Variants in SENP5 observed in about 807,000 individuals in gnomAD.
SENP5 encodes the protein SUMO specific peptidase 5.
SENP5 carries 21 observed loss-of-function variants against 74.2 expected under a neutral mutation model. That is an observed-to-expected ratio of 0.28 (90% confidence interval 0.20 to 0.41). SENP5 has a LOEUF of 0.41. Among genes scored for constraint, SENP5 ranks in the 10% least tolerant of loss-of-function variants. The pLI is 1.00. For missense variants in SENP5, 717 were observed against 889.1 expected (o/e 0.81, Z 2.46); for synonymous variants, 311 against 312.7 (o/e 0.99, Z 0.06).
chr3:196,915,037 T>A (rs768411609), intron 6 of SENP5, among the ~76,000 whole-genome samples: 3 of 152,188 alleles, frequency 2.0e-5, no homozygotes, highest in Non-Finnish European at 2.9e-5. Context: ...GGAGGGAGCA[T>A]TCAGACTAGC....
chr3:196,901,397 A>C (rs115538131), intron 5 of SENP5, among the ~76,000 whole-genome samples: 2,197 of 152,112 alleles, frequency 0.014, 57 homozygotes, highest in African/African-American at 0.05. Context: ...GTAAAAAAAA[A>C]CTCATCTTTC....
intron 9 of SENP5, 129 bp downstream of exon 9, chr3:196,929,812 C>G: frequency 1.5e-6 from 1 of 680,352 alleles, no homozygotes; most frequent in Non-Finnish European, 2.6e-6. Flanking sequence ...TTTCCCTCCC[C>G]TTTATTGCTG....
rs185041706 is a variant in SENP5 at position 196,929,653 on chromosome 3, C to T, written c.2127C>T (p.Asn709=). Residue 709 remains asparagine (N), a synonymous_variant, in exon 9 of 10, where the codon AAC becomes AAT. Transcript: ENST00000323460. ...AVTKCIPQQK[N]DSDCGVFVLQ... ...TTCAGTGTATTCCACAACAGAAAAA[C>T]GACAGTGACTGTGGAGTCTTTGTGC... 22 of 1,608,122 alleles carry T rather than the reference C, an allele frequency of 1.4e-5. No individual in the cohort carries two copies. Among genetic ancestry groups the T allele is most frequent in the South Asian group, 1.2e-4 (11 of 90,470 alleles).
In SENP5 at chr3:196,923,564, A is replaced by G; in HGVS notation, c.2022+13A>G. ...GTTTTGTGTAGAGGTAAGTTAATAT[A>G]CTGCCTATTTTTTCATTTATTTTGT... On this transcript the variant is annotated intron_variant, in intron 7 of 9. Coordinates refer to ENST00000323460, the MANE Select transcript of SENP5 (RefSeq NM_152699.5). The G allele has an allele frequency of 6.4e-7, 1 of 1,561,466 alleles. No individual in the cohort carries two copies. The highest frequency in any genetic ancestry group is 8.7e-7 in the Non-Finnish European group (1 of 1,144,688).
intron 1 of SENP5, among the ~76,000 whole-genome samples, chr3:196,882,943 T>C (rs1056487187): frequency 2.2e-5 from 3 of 139,188 alleles, no homozygotes; most frequent in South Asian, 4.6e-4. Context: ...TTTTTTTTTT[T>C]TGGTGGACTA....
chr3:196,910,163 G>A (rs1366200907), intron 6 of SENP5, among the ~76,000 whole-genome samples: 1 of 151,824 alleles, frequency 6.6e-6, no homozygotes, highest in Admixed American at 6.6e-5. Context: ...GCTACAAAGA[G>A]AATAAAATAC....
At chr3:196,923,687 A>G in intron 7 of SENP5, 136 bp downstream of exon 7, 1 of 577,714 alleles carries the variant, frequency 1.7e-6, no homozygotes, top group Non-Finnish European at 2.9e-6. Context: ...GTGTTAGCTG[A>G]GAAAAGGACT....
rs147706954 is a variant in SENP5, at chr3:196,912,008, G to A, written c.1884+8398G>A. 1.7e-3 allele frequency among the ~76,000 whole-genome samples: 257 copies of A among 152,326 alleles called. 5 individuals carry two copies. In the East Asian group the frequency reaches 0.046, roughly 27 times the overall value. On this transcript the variant is annotated intron_variant, in intron 6 of 9. Transcript: ENST00000323460. ...AACGTAAGTTAGTTCAACCATTGTG[G>A]AAGACAGAGTGGCAATTCCTCAAGG... is the stretch of plus-strand genomic sequence containing the variant.
chr3:196,868,540 T>C (rs1021633304), intron 1 of SENP5, among the ~76,000 whole-genome samples: 2 of 152,206 alleles, frequency 1.3e-5, no homozygotes, highest in African/African-American at 4.8e-5. Context: ...AGACGTCTTT[T>C]CCCTTCGGTC....
At chr3:196,906,161 T>C (rs201250297) in intron 6 of SENP5, among the ~76,000 whole-genome samples, 45 of 151,808 alleles carry the variant, frequency 3.0e-4, no homozygotes, top group African/African-American at 1.1e-3. Context: ...TGGAGGTTGC[T>C]GTGAGCCGAG....
chr3:196,930,827 C>G lies in SENP5; in HGVS notation c.2172C>G (p.Leu724=). The change falls in exon 10 of 10, where the codon CTC becomes CTG. Residue 724 remains leucine (L), a synonymous_variant. Coordinates refer to ENST00000323460, the MANE Select transcript of SENP5 (RefSeq NM_152699.5). ...TTTTTTTGCAGTACTGCAAGTGCCT[C>G]GCCTTAGAGCAGCCTTTCCAGTTTT... ...GVFVLQYCKC[L]ALEQPFQFSQ... 6.2e-7 allele frequency: 1 copy of G among 1,613,228 alleles called. No individual in the cohort carries two copies. Among genetic ancestry groups the G allele is most frequent in the Non-Finnish European group, 8.5e-7 (1 of 1,179,244 alleles).
chr3:196,892,116 A>C, intron 2 of SENP5, among the ~76,000 whole-genome samples: 1 of 149,750 alleles, frequency 6.7e-6, no homozygotes, highest in East Asian at 2.0e-4. Context: ...AAAAGAAAAA[A>C]AAAATACAGG....
At chr3:196,882,643 A>G (rs1713776489) in intron 1 of SENP5, among the ~76,000 whole-genome samples, 1 of 152,148 alleles carries the variant, frequency 6.6e-6, no homozygotes, top group Non-Finnish European at 1.5e-5. Flanking sequence ...AGCTGGGATT[A>G]CAGGCATGCA....
At chr3:196,898,267 A>G (rs1166467871) in intron 2 of SENP5, among the ~76,000 whole-genome samples, 5 of 151,690 alleles carry the variant, frequency 3.3e-5, no homozygotes, top group Non-Finnish European at 2.9e-5. Context: ...GGATATATAT[A>G]AGCACATATA....
intron 6 of SENP5, among the ~76,000 whole-genome samples, chr3:196,920,103 T>G (rs1333252855): frequency 6.6e-6 from 1 of 152,180 alleles, no homozygotes; most frequent in Non-Finnish European, 1.5e-5. Flanking sequence ...AACTCTGTTG[T>G]TTAGTAAGCA....
chr3:196,912,657 G>A (rs1715185395), intron 6 of SENP5: 2 of 152,172 alleles, frequency 1.3e-5, no homozygotes, highest in Non-Finnish European at 2.9e-5. Flanking sequence ...TTCTGCACAT[G>A]TATCCCGGAA....
chr3:196,912,370 A>G (rs1351002608), intron 6 of SENP5, among the ~76,000 whole-genome samples: 1 of 152,210 alleles, frequency 6.6e-6, no homozygotes, highest in East Asian at 1.9e-4. Context: ...GAGTTGTACA[A>G]TAAGAACACA....
intron 6 of SENP5, among the ~76,000 whole-genome samples, chr3:196,907,453 CAAAA>C (rs71623311): frequency 1.7e-5 from 2 of 115,352 alleles, no homozygotes. Context: ...GACTCCGTCT[CAAAA>C]AAAAAAAAAA....
intron 6 of SENP5, chr3:196,914,586 A>AAAAAAAAT: frequency 1.2e-4 from 4 of 33,502 alleles, no homozygotes; most frequent in African/African-American, 5.4e-4. Flanking sequence ...AAAAAAAAAA[A>AAAAAAAAT]ATATATATAT....
Sources: gnomAD v4.1 joint callset for allele counts (sites outside exome capture counted in the v4.1 genomes callset) on GRCh38, gnomAD v4.1.1 for gene constraint, MANE v1.5 for transcripts, NCBI Gene and HGNC (gene_info 2026-07-23, HGNC 2026-07-21) for gene names.